Variants in RBM33 observed in about 807,000 individuals in gnomAD.
RBM33 encodes the protein RNA-binding protein 33.
Under a neutral mutation model 132.6 loss-of-function variants are expected in RBM33, and 28 were observed. The observed-to-expected ratio is 0.21, with a 90% CI of 0.16 to 0.29. The LOEUF (loss-of-function observed/expected upper bound fraction) is 0.29. Among genes scored for constraint, RBM33 ranks in the 10% least tolerant of loss-of-function variants. The pLI is 1.00. For missense variants in RBM33, 1,291 were observed against 1,518.5 expected, an observed-to-expected ratio of 0.85 and a Z score of 2.49; for synonymous variants, 634 against 593.0, an observed-to-expected ratio of 1.07 and a Z score of -1.01.
At chr7:155,664,110 TTG>T (rs1158841349) in intron 1 of RBM33, among the ~76,000 whole-genome samples, 2 of 152,192 alleles carry the variant, frequency 1.3e-5, no homozygotes, top group Non-Finnish European at 2.9e-5. Context: ...CACCAAGCAC[TTG>T]GAATGTGGCT....
intron 8 of RBM33, 132 bp from the exon 9 acceptor site, chr7:155,718,253 T>C (rs2116990225): frequency 3.2e-6 from 2 of 622,556 alleles, no homozygotes; most frequent in Non-Finnish European, 5.7e-6. Flanking sequence ...AATGCTTAGC[T>C]TAAGCGTAAG....
intron 1 of RBM33, among the ~76,000 whole-genome samples, chr7:155,649,330 C>T (rs941409883): frequency 3.9e-5 from 6 of 152,114 alleles, no homozygotes; most frequent in African/African-American, 1.4e-4. Flanking sequence ...GCCTGTAAGC[C>T]TCATGAGGAG....
intron 16 of RBM33, among the ~76,000 whole-genome samples, chr7:155,767,225 G>T (rs779679439): frequency 3.4e-4 from 52 of 152,248 alleles, no homozygotes; most frequent in African/African-American, 1.1e-3. Context: ...TGGAAACAGG[G>T]TTTTCCACGG....
At chr7:155,711,881 G>A (rs560116576) in intron 8 of RBM33, among the ~76,000 whole-genome samples, 1 of 152,306 alleles carries the variant, frequency 6.6e-6, no homozygotes, top group Non-Finnish European at 1.5e-5. Context: ...GCATCTGAAG[G>A]CATTTATTAG....
rs949908522 is a variant in RBM33, at chr7:155,776,101, C to T, written c.*1060C>T. On this transcript the variant is annotated 3_prime_UTR_variant, in exon 18 of 18. Coordinates refer to ENST00000401878, the MANE Select transcript of RBM33 (RefSeq NM_053043.3). The surrounding 1 kb of genome is among the most constrained non-coding windows in gnomAD (Gnocchi z 4.0). The stretch of plus-strand genomic sequence containing the variant: ...AGACGAGTCTGTGTCATCATTGAAA[C>T]TGCTTTTCGTAATTGCGGGTAGGTT... 1 of 152,524 alleles carries T rather than the reference C, an allele frequency of 6.6e-6. No individual in the cohort carries two copies. The highest frequency in any genetic ancestry group is 1.5e-5 in the Non-Finnish European group (1 of 68,054). The allele number at this position is 152,524 out of a possible 1,614,324, so 9.4% of individuals were successfully genotyped here.
intron 9 of RBM33, among the ~76,000 whole-genome samples, chr7:155,727,327 T>C (rs1800822290): frequency 6.6e-6 from 1 of 151,864 alleles, no homozygotes; most frequent in East Asian, 1.9e-4. Flanking sequence ...AATGTCACCC[T>C]CCTTATAAGT....
chr7:155,703,362 G>C (rs1326793907), intron 6 of RBM33, among the ~76,000 whole-genome samples: 1 of 152,106 alleles, frequency 6.6e-6, no homozygotes, highest in East Asian at 1.9e-4. Context: ...TGGAATTATG[G>C]GGGAAGAGTA....
chr7:155,669,929 G>C (rs928390214), intron 2 of RBM33, among the ~76,000 whole-genome samples: 3 of 152,174 alleles, frequency 2.0e-5, no homozygotes, highest in Non-Finnish European at 4.4e-5. Flanking sequence ...GTTAGGACCG[G>C]CTGTGCCAGC....
intron 8 of RBM33, among the ~76,000 whole-genome samples, chr7:155,716,507 T>C (rs182352941): frequency 6.8e-4 from 103 of 152,208 alleles, no homozygotes; most frequent in Non-Finnish European, 1.2e-3. Context: ...TTGGAATGTT[T>C]TGGTAGATAT....
rs1799251383 is a variant in RBM33 at position 155,678,663 on chromosome 7, A to G, written c.227A>G (p.Asn76Ser). The change falls in exon 4 of 18, where the codon AAT (asparagine) becomes AGT (serine). Residue 76 changes from asparagine (N) to serine (S), a missense_variant. By Grantham distance (46) the Asn-to-Ser change is conservative. Around this residue, in one of 7 missense-constraint regions of RBM33, gnomAD observed 194 missense variants for 249.8 expected, o/e 0.78. Coordinates refer to ENST00000401878, the MANE Select transcript of RBM33 (RefSeq NM_053043.3). ...ELNDDLLQSD[N>S]EDEENFSSQG... ...AATGATGATCTTTTGCAGAGTGATA[A>G]TGAAGATGAAGAAAATTTCAGGTAC... is the stretch of plus-strand genomic sequence containing the variant. 2 of 1,572,944 alleles carry G rather than the reference A, an allele frequency of 1.3e-6. No individual in the cohort carries two copies. The highest frequency in any genetic ancestry group is 2.3e-5 in the East Asian group (1 of 43,796).
At chr7:155,715,784 G>A (rs1454093514) in intron 8 of RBM33, among the ~76,000 whole-genome samples, 1 of 152,206 alleles carries the variant, frequency 6.6e-6, no homozygotes, top group African/African-American at 2.4e-5. Context: ...GAAATGCACA[G>A]TTCCTCTTGA....
intron 1 of RBM33, among the ~76,000 whole-genome samples, chr7:155,652,029 CAT>C (rs1444448465): frequency 6.6e-6 from 1 of 152,134 alleles, no homozygotes; most frequent in Non-Finnish European, 1.5e-5. Context: ...CTGTAAGGCT[CAT>C]ATGTTCACTT....
chr7:155,752,316 A>G (rs1801710191), intron 14 of RBM33, among the ~76,000 whole-genome samples: 1 of 152,160 alleles, frequency 6.6e-6, no homozygotes, highest in East Asian at 1.9e-4. Context: ...TGATTCTTCT[A>G]CAGTGAGTTG....
At position 155,700,785 on chromosome 7, in the gene RBM33, A is replaced by C; in HGVS notation, c.580A>C (p.Thr194Pro). Reference protein sequence around the residue: ...PLDEFTGGMETLELQKDIKEE... With the variant: ...PLDEFTGGMEPLELQKDIKEE... ...ATCTGCAATATAGGGAGGTATGGAAACATTGGAACTTCAAAAGGACATCAA... is the reference window on the plus strand; with the variant it reads ...ATCTGCAATATAGGGAGGTATGGAACCATTGGAACTTCAAAAGGACATCAA... The change falls in exon 6 of 18, where the codon ACA (threonine) becomes CCA (proline). Residue 194 changes from threonine (T) to proline (P), a missense_variant. Coordinates refer to ENST00000401878, the MANE Select transcript of RBM33 (RefSeq NM_053043.3). 1.3e-6 allele frequency: 2 copies of C among 1,565,694 alleles called. No homozygotes were observed. Among genetic ancestry groups the C allele is most frequent in the Non-Finnish European group, 1.7e-6 (2 of 1,154,176 alleles).
intron 3 of RBM33, among the ~76,000 whole-genome samples, chr7:155,675,977 T>C (rs1247529441): frequency 2.0e-5 from 3 of 152,146 alleles, no homozygotes; most frequent in Admixed American, 6.5e-5. Flanking sequence ...TGATTTCTAG[T>C]GAGAATGGAA....
intron 1 of RBM33, among the ~76,000 whole-genome samples, chr7:155,661,097 G>GTGGT (rs1214054155): frequency 9.1e-6 from 1 of 110,152 alleles, no homozygotes; most frequent in Non-Finnish European, 1.7e-5. Flanking sequence ...GTGTGTGTGT[G>GTGGT]GTGTGTGTGT....
At chr7:155,685,864 G>A (rs1054074935) in intron 5 of RBM33, among the ~76,000 whole-genome samples, 1 of 152,158 alleles carries the variant, frequency 6.6e-6, no homozygotes, top group Non-Finnish European at 1.5e-5. Context: ...ACTGGCTTAG[G>A]CCATTTACTT....
Position 155,678,695 on chromosome 7 carries a change from T to C in RBM33, c.248+11T>C. On this transcript the variant is annotated intron_variant, in intron 4 of 17. Coordinates refer to ENST00000401878, the MANE Select transcript of RBM33 (RefSeq NM_053043.3). ...TGAAGAAAATTTCAGGTACTCAATA[T>C]TACCTCATTATAAATGTTCTTTATT... 7.5e-7 allele frequency: 1 copy of C among 1,339,738 alleles called. No individual in the cohort carries two copies. The highest frequency in any genetic ancestry group is 1.3e-5 in the South Asian group (1 of 78,124). 83.0% of individuals were successfully genotyped at this position (1,339,738 alleles called of 1,614,324 possible). A position where few individuals can be genotyped will look rare whatever the true frequency, so the allele number is the denominator to read the frequency against.
At chr7:155,659,027 C>A (rs940257499) in intron 1 of RBM33, among the ~76,000 whole-genome samples, 1 of 152,120 alleles carries the variant, frequency 6.6e-6, no homozygotes, top group South Asian at 2.1e-4. Context: ...ACTTCAGTGA[C>A]CACACTTAAG....
Sources: gnomAD v4.1 joint callset for allele counts (sites outside exome capture counted in the v4.1 genomes callset) on GRCh38, gnomAD v4.1.1 for gene constraint, gnomAD v4.1.1 regional missense constraint, Gnocchi (gnomAD v3.1) non-coding constraint, MANE v1.5 for transcripts, NCBI Gene and HGNC (gene_info 2026-07-23, HGNC 2026-07-21) for gene names.